Variants in DAPP1 observed in about 807,000 individuals in gnomAD.
The protein encoded by DAPP1 is dual adapter for phosphotyrosine and 3-phosphotyrosine and 3-phosphoinositide.
In DAPP1, 20 loss-of-function variants were observed where a neutral mutation model predicts 41.5. The ratio of observed to expected loss-of-function variants is 0.48; its 90% CI spans 0.34 to 0.70. The LOEUF (loss-of-function observed/expected upper bound fraction) is 0.70, where lower values mean the gene tolerates loss of function less well. Among genes scored for constraint, DAPP1 ranks in the 30% least tolerant of loss-of-function variants. The pLI is 0.01. For missense variants in DAPP1, 233 were observed against 333.4 expected (o/e 0.70, Z 2.35); for synonymous variants, 113 against 116.2 (o/e 0.97, Z 0.18).
chr4:99,831,919 A>G (rs1045398160), intron 1 of DAPP1, among the ~76,000 whole-genome samples: 2 of 151,956 alleles, frequency 1.3e-5, no homozygotes, highest in Admixed American at 1.3e-4. Context: ...ACATGTATAT[A>G]TTTTAACTTT....
At chr4:99,823,030 AG>A (rs778575334) in intron 1 of DAPP1, among the ~76,000 whole-genome samples, 9 of 152,200 alleles carry the variant, frequency 5.9e-5, no homozygotes, top group East Asian at 3.8e-4. Flanking sequence ...AACTTTAAAA[AG>A]TGTAAGAGTA....
chr4:99,852,412 G>A (rs1452791025), intron 3 of DAPP1, among the ~76,000 whole-genome samples: 2 of 152,142 alleles, frequency 1.3e-5, no homozygotes, highest in Admixed American at 1.3e-4. Context: ...GATTGATTGA[G>A]GGAAGGATTT....
chr4:99,817,082 G>A, intron 1 of DAPP1, 68 bp downstream of exon 1: 1 of 1,204,638 alleles, frequency 8.3e-7, no homozygotes, highest in Non-Finnish European at 1.2e-6. Context: ...CCACCTGCAT[G>A]CTTTGATTAA....
Position 99,862,895 on chromosome 4 carries a change from A to AT in DAPP1, c.538-112dup, listed in dbSNP as rs1262342395. 6 of 743,896 alleles carry AT rather than the reference A, an allele frequency of 8.1e-6. No individual in the cohort carries two copies. The Admixed American group carries it at 2.4e-4, about 29-fold the overall frequency. The allele number at this position is 743,896 out of a possible 1,614,324, so 46.1% of individuals were successfully genotyped here. On this transcript the variant is annotated intron_variant, in intron 5 of 8. Coordinates refer to ENST00000512369, the MANE Select transcript of DAPP1 (RefSeq NM_014395.3). ...AAAAGAATTTTTTCAGGGTTATAGT[A>AT]TTTAATTTTTTAGATACTTTTAAAA...
intron 1 of DAPP1, among the ~76,000 whole-genome samples, chr4:99,822,173 C>A (rs1277390736): frequency 6.6e-6 from 1 of 152,154 alleles, no homozygotes; most frequent in African/African-American, 2.4e-5. Flanking sequence ...TCTGTTCCTC[C>A]AAAGGGTGAC....
At chr4:99,853,939 G>C (rs186281395) in intron 4 of DAPP1, among the ~76,000 whole-genome samples, 1 of 152,320 alleles carries the variant, frequency 6.6e-6, no homozygotes, top group African/African-American at 2.4e-5. Context: ...AGAGAAGTTT[G>C]CATTCACATA....
At position 99,852,050 on chromosome 4, in the gene DAPP1, C is replaced by A. The variant is rs543359891; in HGVS notation, c.359-1168C>A. On this transcript the variant is annotated intron_variant, in intron 3 of 8. Transcript: ENST00000512369. ...AACCCTACCTTTTCTATTCTCTATC[C>A]CTTTACCATGCCCTATTCATTTTTT... Among the ~76,000 whole-genome samples, 4 of 152,218 alleles carry A rather than the reference C, an allele frequency of 2.6e-5. No individual in the cohort carries two copies. In the South Asian group the frequency reaches 8.3e-4, roughly 32 times the overall value.
intron 4 of DAPP1, among the ~76,000 whole-genome samples, chr4:99,857,778 TTTAA>T (rs1040106067): frequency 6.6e-6 from 1 of 152,054 alleles, no homozygotes; most frequent in African/African-American, 2.4e-5. Context: ...AATATTCTTG[TTTAA>T]TTAACTATAT....
At chr4:99,846,902 G>A (rs573385331) in intron 3 of DAPP1, among the ~76,000 whole-genome samples, 6 of 152,162 alleles carry the variant, frequency 3.9e-5, no homozygotes, top group Non-Finnish European at 8.8e-5. Context: ...AGAGCAGGTG[G>A]CAAAGAAGGA....
At chr4:99,819,563 T>C (rs965522428) in intron 1 of DAPP1, among the ~76,000 whole-genome samples, 1 of 152,208 alleles carries the variant, frequency 6.6e-6, no homozygotes, top group African/African-American at 2.4e-5. Flanking sequence ...TGACTTTTTC[T>C]TTGAACCTTT....
At chr4:99,830,302 G>A (rs528486345) in intron 1 of DAPP1, among the ~76,000 whole-genome samples, 1 of 152,162 alleles carries the variant, frequency 6.6e-6, no homozygotes, top group Non-Finnish European at 1.5e-5. Flanking sequence ...AGAATTGCGT[G>A]AACCCAGGAG....
chr4:99,854,933 C>A (rs1723993939), intron 4 of DAPP1, among the ~76,000 whole-genome samples: 1 of 152,198 alleles, frequency 6.6e-6, no homozygotes, highest in African/African-American at 2.4e-5. Flanking sequence ...GTCCTTGCAG[C>A]TTTACAGCCT....
intron 4 of DAPP1, among the ~76,000 whole-genome samples, chr4:99,858,951 G>C (rs1724143515): frequency 6.6e-6 from 1 of 151,942 alleles, no homozygotes; most frequent in Non-Finnish European, 1.5e-5. Context: ...CCAAGCTGGA[G>C]TGCAGTGGTG....
chr4:99,868,992 A>C lies in DAPP1; in HGVS notation c.*807A>C, dbSNP rs931345602. 6.6e-6 allele frequency: 1 copy of C among 152,198 alleles called. No individual in the cohort carries two copies. The highest frequency in any genetic ancestry group is 2.4e-5 in the African/African-American group (1 of 41,462). 9.4% of individuals were successfully genotyped at this position (152,198 alleles called of 1,614,324 possible). On this transcript the variant is annotated 3_prime_UTR_variant, in exon 9 of 9. Transcript: ENST00000512369. ...TAGTTTAATAATAATTATTGTTATT[A>C]TACTACTAATAATAGAGCACTTGTA...
chr4:99,844,464 C>A (rs768113744), intron 3 of DAPP1: 2 of 152,138 alleles, frequency 1.3e-5, no homozygotes, highest in Non-Finnish European at 2.9e-5. Context: ...TTAATTTTGT[C>A]GTAGCCTCTT....
At position 99,869,690 on chromosome 4, in the gene DAPP1, T is replaced by C. The variant is rs1476252474; in HGVS notation, c.*1505T>C. ...CATGCCTGTAATCCCAGGACTTTGG[T>C]AGGCCAAGACAAGCAGATCACTTGA... On this transcript the variant is annotated 3_prime_UTR_variant, in exon 9 of 9. Transcript: ENST00000512369. 6.6e-6 allele frequency: 1 copy of C among 152,142 alleles called. No individual in the cohort carries two copies. The highest frequency in any genetic ancestry group is 2.4e-5 in the African/African-American group (1 of 41,438). 9.4% of individuals were successfully genotyped at this position (152,142 alleles called of 1,614,324 possible). A position where few individuals can be genotyped will look rare whatever the true frequency, so the allele number is the denominator to read the frequency against.
At chr4:99,817,435 T>C (rs75110318) in intron 1 of DAPP1, among the ~76,000 whole-genome samples, 10,519 of 152,226 alleles carry the variant, frequency 0.069, 420 homozygotes, top group Middle Eastern at 0.16. Context: ...AACAGAAAGC[T>C]TACCCTACTG....
chr4:99,819,880 C>T (rs191244687), intron 1 of DAPP1, among the ~76,000 whole-genome samples: 365 of 152,172 alleles, frequency 2.4e-3, no homozygotes, highest in African/African-American at 8.4e-3. Flanking sequence ...CCCTGAACTG[C>T]AGCAAATCCA....
intron 7 of DAPP1, chr4:99,865,173 C>G (rs1048565318): frequency 1.1e-4 from 16 of 152,160 alleles, no homozygotes; most frequent in African/African-American, 3.6e-4. Context: ...ACTTTAATTG[C>G]TGGTATCAAC....
Sources: allele counts gnomAD v4.1 joint callset (sites outside exome capture counted in the v4.1 genomes callset), GRCh38; gene constraint gnomAD v4.1.1; transcripts MANE v1.5; gene names NCBI Gene and HGNC (gene_info 2026-07-23, HGNC 2026-07-21).